Variants in ANXA8 observed in about 807,000 individuals in gnomAD.
ANXA8 encodes the protein annexin A8.
A neutral mutation model predicts 26.8 loss-of-function variants in ANXA8; 9 were observed. The ratio of observed to expected loss-of-function variants is 0.34; its 90% CI spans 0.20 to 0.59. ANXA8 has a LOEUF of 0.59. ANXA8 is among the 20% of genes least tolerant of loss of function. The pLI is 0.84. For synonymous variants in ANXA8, 39 were observed against 94.8 expected (o/e 0.41, Z 3.42); for missense variants, 83 against 238.5 (o/e 0.35, Z 4.29).
chr10:47,687,911 C>T, the ANXA8 span, among the ~76,000 whole-genome samples: 2 of 151,700 alleles, frequency 1.3e-5, no homozygotes, highest in Admixed American at 6.6e-5. Context: ...ACCAGCCTGG[C>T]CAACATGGTG....
the ANXA8 span, among the ~76,000 whole-genome samples, chr10:47,724,349 T>G: frequency 7.1e-6 from 1 of 140,394 alleles, no homozygotes; most frequent in African/African-American, 2.6e-5. Context: ...CCGTTGGCAG[T>G]GTGATTACCC....
At chr10:47,652,307 A>G in the ANXA8 span, among the ~76,000 whole-genome samples, 2 of 151,748 alleles carry the variant, frequency 1.3e-5, no homozygotes, top group African/African-American at 4.9e-5. Flanking sequence ...TCAATTAAAA[A>G]AAAGTATAGG....
the ANXA8 span, among the ~76,000 whole-genome samples, chr10:47,724,537 G>A: frequency 7.1e-6 from 1 of 141,486 alleles, no homozygotes; most frequent in Admixed American, 7.2e-5. Flanking sequence ...CACAAGGCTG[G>A]TTTCTTCATG....
At chr10:47,693,716 C>G in the ANXA8 span, among the ~76,000 whole-genome samples, 1 of 151,830 alleles carries the variant, frequency 6.6e-6, no homozygotes, top group Middle Eastern at 3.4e-3. Flanking sequence ...TTCAATTCAC[C>G]TAACTCCCTC....
At chr10:47,959,657 C>G in the ANXA8 span, among the ~76,000 whole-genome samples, 1 of 147,920 alleles carries the variant, frequency 6.8e-6, no homozygotes, top group Non-Finnish European at 1.5e-5. Context: ...AGGCCAGAGA[C>G]GGGGAGGGAA....
the ANXA8 span, among the ~76,000 whole-genome samples, chr10:47,947,165 GC>G: frequency 7.2e-6 from 1 of 139,004 alleles, no homozygotes; most frequent in Non-Finnish European, 1.5e-5. Context: ...AGTTAGTTGG[GC>G]CCTCTTCACT....
the ANXA8 span, among the ~76,000 whole-genome samples, chr10:47,743,327 T>TACATATATATATATACAC: frequency 2.5e-5 from 1 of 40,336 alleles, no homozygotes; most frequent in South Asian, 1.3e-3. Flanking sequence ...TATATATATA[T>TACATATATATATATACAC]ACATATATAT....
At chr10:47,681,553 A>G in the ANXA8 span, among the ~76,000 whole-genome samples, 44 of 98,602 alleles carry the variant, frequency 4.5e-4, no homozygotes, top group African/African-American at 1.8e-3. Flanking sequence ...TTTTTTAGAG[A>G]CAGTGTCTCA....
the ANXA8 span, among the ~76,000 whole-genome samples, chr10:47,527,940 C>T: frequency 2.3e-4 from 35 of 149,176 alleles, no homozygotes; most frequent in Non-Finnish European, 3.7e-4. Flanking sequence ...GGCACAGGTG[C>T]GTGCAATCCG....
chr10:47,552,308 C>G, the ANXA8 span, among the ~76,000 whole-genome samples: 2 of 151,404 alleles, frequency 1.3e-5, no homozygotes, highest in Non-Finnish European at 2.9e-5. Flanking sequence ...TTCAGAGAAA[C>G]TGAAAAAATG....
chr10:47,978,212 A>G, the ANXA8 span, among the ~76,000 whole-genome samples: 3 of 151,960 alleles, frequency 2.0e-5, no homozygotes, highest in Admixed American at 2.0e-4. Flanking sequence ...TTCTATATCT[A>G]GCAAAGGTAT....
At chr10:47,562,128 C>A in the ANXA8 span, among the ~76,000 whole-genome samples, 1 of 151,598 alleles carries the variant, frequency 6.6e-6, no homozygotes, top group Non-Finnish European at 1.5e-5. Flanking sequence ...TACAGTAGAC[C>A]AAATAAGTAT....
At chr10:47,625,222 ATTTTTTTTTTTTTT>A in the ANXA8 span, among the ~76,000 whole-genome samples, 3 of 2,838 alleles carry the variant, frequency 1.1e-3, 1 homozygote, top group Non-Finnish European at 1.7e-3. Context: ...TCCTCTCTGC[ATTTTTTTTTTTTTT>A]TTTTTTTTTT....
chr10:47,581,472 G>A, the ANXA8 span: 2 of 553,960 alleles, frequency 3.6e-6, no homozygotes, highest in Non-Finnish European at 3.5e-6. Flanking sequence ...GTCTCCAAAG[G>A]TGTTCATGGC....
chr10:47,649,431 A>G, the ANXA8 span, among the ~76,000 whole-genome samples: 1 of 151,446 alleles, frequency 6.6e-6, no homozygotes, highest in Admixed American at 6.6e-5. Context: ...TTTTGGTGAA[A>G]TGGAGTCTTG....
chr10:47,735,497 A>AATAG, the ANXA8 span, among the ~76,000 whole-genome samples: 55 of 149,520 alleles, frequency 3.7e-4, no homozygotes, highest in Middle Eastern at 3.5e-3. Flanking sequence ...CCAACATTTT[A>AATAG]ATAGATATTC....
the ANXA8 span, among the ~76,000 whole-genome samples, chr10:47,566,474 C>T: frequency 6.6e-6 from 1 of 151,566 alleles, no homozygotes; most frequent in Non-Finnish European, 1.5e-5. Flanking sequence ...TCCCTTCGGG[C>T]TCCGCCCCAA....
chr10:47,678,701 G>A, the ANXA8 span, among the ~76,000 whole-genome samples: 2 of 151,818 alleles, frequency 1.3e-5, no homozygotes, highest in African/African-American at 4.8e-5. Flanking sequence ...ATGTATAATT[G>A]GAGTTCCAGA....
the ANXA8 span, among the ~76,000 whole-genome samples, chr10:47,749,880 C>CA: frequency 2.0e-3 from 308 of 150,270 alleles, 15 homozygotes; most frequent in East Asian, 0.051. Context: ...ATTCAAGAGA[C>CA]ATGACATCAT....
Sources: gnomAD v4.1 joint callset for allele counts (sites outside exome capture counted in the v4.1 genomes callset) on GRCh38, gnomAD v4.1.1 for gene constraint, MANE v1.5 for transcripts, NCBI Gene and HGNC (gene_info 2026-07-23, HGNC 2026-07-21) for gene names.